NLGN1: variants seen among roughly 807,000 people sequenced by gnomAD.
NLGN1 encodes the protein neuroligin-1.
A neutral mutation model predicts 65.5 loss-of-function variants in NLGN1; 12 were observed. The observed-to-expected ratio is 0.18, with a 90% CI of 0.12 to 0.30. The LOEUF (loss-of-function observed/expected upper bound fraction) is 0.30, where lower values mean the gene tolerates loss of function less well. Ranked by LOEUF, NLGN1 falls within the 10% of genes least tolerant of loss-of-function variation. NLGN1 has a pLI of 1.00. For missense variants in NLGN1, 750 were observed against 1,007.1 expected (o/e 0.74, Z 3.46); for synonymous variants, 350 against 359.5 (o/e 0.97, Z 0.30).
intron 4 of NLGN1, among the ~76,000 whole-genome samples, chr3:174,139,903 T>C (rs906790550): frequency 6.6e-6 from 1 of 152,200 alleles, no homozygotes; most frequent in Non-Finnish European, 1.5e-5. Context: ...TTTAGTGAGG[T>C]GTCTATTTAA....
intron 4 of NLGN1, among the ~76,000 whole-genome samples, chr3:173,811,897 A>T (rs1272674653): frequency 1.3e-5 from 2 of 152,194 alleles, no homozygotes; most frequent in Non-Finnish European, 2.9e-5. Context: ...ATAAATCTTT[A>T]AATTACTTTT....
chr3:174,222,527 A>C (rs898682059), intron 4 of NLGN1, among the ~76,000 whole-genome samples: 1 of 152,188 alleles, frequency 6.6e-6, no homozygotes, highest in Non-Finnish European at 1.5e-5. Context: ...AAATCAAATC[A>C]TCTCTTATTT....
At chr3:173,955,991 A>T (rs1276608508) in intron 4 of NLGN1, among the ~76,000 whole-genome samples, 8 of 152,134 alleles carry the variant, frequency 5.3e-5, no homozygotes, top group Non-Finnish European at 1.5e-5. Flanking sequence ...ATTAGCAAAA[A>T]ATATAATTAA....
At chr3:174,118,163 A>AT (rs947493684) in intron 4 of NLGN1, among the ~76,000 whole-genome samples, 25 of 152,060 alleles carry the variant, frequency 1.6e-4, no homozygotes, top group African/African-American at 5.6e-4. Flanking sequence ...CTGCTCAGGG[A>AT]TTTTTTAAGT....
intron 4 of NLGN1, among the ~76,000 whole-genome samples, chr3:173,814,335 G>A (rs749004871): frequency 6.6e-6 from 1 of 152,200 alleles, no homozygotes; most frequent in Non-Finnish European, 1.5e-5. Flanking sequence ...TCTCAAATAT[G>A]TTATGTCAAC....
At chr3:173,800,253 C>CTTT (rs749351861) in intron 3 of NLGN1, 16 of 609,762 alleles carry the variant, frequency 2.6e-5, no homozygotes, top group South Asian at 5.0e-5. Flanking sequence ...CTTGAATTGT[C>CTTT]TTTTTTTTTT....
At chr3:173,618,999 G>T (rs567207653) in intron 3 of NLGN1, among the ~76,000 whole-genome samples, 1 of 152,204 alleles carries the variant, frequency 6.6e-6, no homozygotes, top group East Asian at 1.9e-4. Context: ...CTCACCCTTG[G>T]TTAAACAATC....
At chr3:173,697,902 A>G (rs1578003652) in intron 3 of NLGN1, among the ~76,000 whole-genome samples, 1 of 152,272 alleles carries the variant, frequency 6.6e-6, no homozygotes, top group Non-Finnish European at 1.5e-5. Flanking sequence ...CTCTGTGATT[A>G]GAGGGTAAAT....
At chr3:173,417,043 C>T (rs1713942497) in intron 1 of NLGN1, among the ~76,000 whole-genome samples, 1 of 151,926 alleles carries the variant, frequency 6.6e-6, no homozygotes, top group Non-Finnish European at 1.5e-5. Context: ...CTTGAGAGTA[C>T]AAACTGGTAA....
intron 4 of NLGN1, among the ~76,000 whole-genome samples, chr3:174,085,063 A>G (rs989640170): frequency 1.3e-5 from 2 of 152,044 alleles, no homozygotes; most frequent in Non-Finnish European, 2.9e-5. Context: ...GTGAAATGAG[A>G]TTTAACTTCA....
At chr3:173,946,912 G>T (rs1344956044) in intron 4 of NLGN1, among the ~76,000 whole-genome samples, 1 of 152,158 alleles carries the variant, frequency 6.6e-6, no homozygotes, top group African/African-American at 2.4e-5. Context: ...TTAAGTGAGG[G>T]CTCTAGGGCA....
At chr3:173,492,400 A>G (rs1439801954) in intron 2 of NLGN1, among the ~76,000 whole-genome samples, 1 of 151,818 alleles carries the variant, frequency 6.6e-6, no homozygotes, top group Non-Finnish European at 1.5e-5. Context: ...TTAGGGTTCT[A>G]GGCATATTAA....
At chr3:174,281,406 G>T in exon 7 of NLGN1, 1 of 736,482 alleles carries the variant, frequency 1.4e-6, no homozygotes, top group South Asian at 1.9e-5. Flanking sequence ...AAATAAGGAG[G>T]AATATTATGT....
chr3:173,637,351 G>A (rs1756754354), intron 3 of NLGN1, among the ~76,000 whole-genome samples: 1 of 152,010 alleles, frequency 6.6e-6, no homozygotes, highest in African/African-American at 2.4e-5. Context: ...TACTTAAAAG[G>A]AATAGTGGAC....
chr3:173,984,161 AG>A (rs1719390693), intron 4 of NLGN1, among the ~76,000 whole-genome samples: 1 of 152,214 alleles, frequency 6.6e-6, no homozygotes, highest in Non-Finnish European at 1.5e-5. Context: ...AAGAGTACTT[AG>A]GTATATCAAG....
At chr3:174,056,916 A>AT (rs1453307185) in intron 4 of NLGN1, among the ~76,000 whole-genome samples, 74 of 151,538 alleles carry the variant, frequency 4.9e-4, no homozygotes, top group African/African-American at 1.7e-3. Flanking sequence ...CCATATATAT[A>AT]TATTTTTTTT....
chr3:173,475,756 C>A (rs1726088280), intron 2 of NLGN1, among the ~76,000 whole-genome samples: 1 of 152,118 alleles, frequency 6.6e-6, no homozygotes, highest in Non-Finnish European at 1.5e-5. Flanking sequence ...TTGAACTAAG[C>A]ACATCACTCT....
intron 4 of NLGN1, among the ~76,000 whole-genome samples, chr3:174,145,511 C>T (rs984755467): frequency 6.8e-6 from 1 of 146,122 alleles, no homozygotes; most frequent in East Asian, 2.0e-4. Flanking sequence ...GACTTCATCT[C>T]AAAAAAAAGA....
chr3:174,057,776 T>C (rs762963835), intron 4 of NLGN1: 1 of 152,068 alleles, frequency 6.6e-6, no homozygotes, highest in Non-Finnish European at 1.5e-5. Flanking sequence ...AGAATGCCCT[T>C]ATAAGGAGCA....
Sources: gnomAD v4.1 joint callset for allele counts (sites outside exome capture counted in the v4.1 genomes callset) on GRCh38, gnomAD v4.1.1 for gene constraint, MANE v1.5 for transcripts, NCBI Gene and HGNC (gene_info 2026-07-23, HGNC 2026-07-21) for gene names.